Variants in TSHR observed in about 807,000 individuals in gnomAD.
The protein encoded by TSHR is thyroid stimulating hormone receptor.
In TSHR, 51 loss-of-function variants were observed where a neutral mutation model predicts 64.1. The ratio of observed to expected loss-of-function variants is 0.80; its 90% confidence interval spans 0.64 to 1.01. The LOEUF is 1.01. Among genes scored for constraint, TSHR ranks in the 50% least tolerant of loss-of-function variants. The pLI, the probability that TSHR is intolerant of heterozygous loss-of-function variation, is 0.00. For missense variants in TSHR, 877 were observed against 942.8 expected (o/e 0.93, Z 0.91); for synonymous variants, 361 against 361.9 (o/e 1.00, Z 0.03).
chr14:81,053,450 AT>A (rs1566781947), intron 1 of TSHR: 1 of 152,232 alleles, frequency 6.6e-6, no homozygotes, highest in Non-Finnish European at 1.5e-5. Context: ...ACAAATAGAC[AT>A]TTTTAACTTA....
chr14:81,108,903 A>T, intron 8 of TSHR: 1 of 1,418,704 alleles, frequency 7.0e-7, no homozygotes, highest in African/African-American at 1.4e-5. Flanking sequence ...ACTTACAATC[A>T]TGGGGAAAGA....
intron 1 of TSHR, among the ~76,000 whole-genome samples, chr14:80,986,710 C>T (rs1324549109): frequency 2.6e-5 from 4 of 152,190 alleles, no homozygotes; most frequent in Admixed American, 2.6e-4. Flanking sequence ...TGGTCTCAAA[C>T]GCTTGACCTC....
intron 8 of TSHR, among the ~76,000 whole-genome samples, chr14:81,134,859 A>C (rs764689440): frequency 3.3e-5 from 5 of 152,210 alleles, no homozygotes; most frequent in Non-Finnish European, 4.4e-5. Context: ...GTCTTCCCCC[A>C]GTGCCCATTA....
chr14:81,057,067 GC>G (rs1265225684), intron 1 of TSHR, among the ~76,000 whole-genome samples: 1 of 152,100 alleles, frequency 6.6e-6, no homozygotes, highest in African/African-American at 2.4e-5. Flanking sequence ...TTCACAGTTT[GC>G]CACAGAGTAT....
chr14:81,056,921 C>A (rs1885849786), intron 1 of TSHR, among the ~76,000 whole-genome samples: 1 of 152,108 alleles, frequency 6.6e-6, no homozygotes, highest in African/African-American at 2.4e-5. Flanking sequence ...ACCCAAAATA[C>A]AAAACACAAG....
chr14:81,088,391 A>C lies in TSHR; in HGVS notation c.392+363A>C, dbSNP rs113170279. Among the ~76,000 whole-genome samples, 354 of 152,330 alleles carry C rather than the reference A, an allele frequency of 2.3e-3. 2 individuals are homozygous for C. Among genetic ancestry groups the C allele is most frequent in the African/African-American group, 7.7e-3 (322 of 41,562 alleles). Reference sequence around the variant, plus strand: ...AATATTATTAGAGTGGCTGTTACACAGGAAAAAAAACCCACAAAGAGTAAA... The same window carrying C: ...AATATTATTAGAGTGGCTGTTACACCGGAAAAAAAACCCACAAAGAGTAAA... On this transcript the variant is annotated intron_variant, in intron 4 of 9. Coordinates refer to ENST00000298171, the MANE Select transcript of TSHR (RefSeq NM_000369.5).
At chr14:81,087,347 T>G (rs1888359409) in intron 3 of TSHR, 1 of 155,068 alleles carries the variant, frequency 6.4e-6, no homozygotes, top group Admixed American at 6.3e-5. Context: ...GCATTCTTGA[T>G]CAGCATTTAT....
chr14:81,144,054 T>C lies in TSHR; in HGVS notation c.1996T>C (p.Phe666Leu). 3 of 1,614,202 alleles carry C rather than the reference T, an allele frequency of 1.9e-6. No individual in the cohort carries two copies. Among genetic ancestry groups the C allele is most frequent in the Non-Finnish European group, 2.5e-6 (3 of 1,180,052 alleles). Residue 666 changes from phenylalanine (F) to leucine (L), a missense_variant, in exon 10 of 10, where the codon TTC (phenylalanine) becomes CTC (leucine). Transcript: ENST00000298171. The stretch of plus-strand genomic sequence containing the variant: ...CAACTCCAAAATCTTGCTGGTACTC[T>C]TCTATCCACTTAACTCCTGTGCCAA... The part of the protein sequence containing the change: ...VSNSKILLVL[F>L]YPLNSCANPF...
intron 1 of TSHR, among the ~76,000 whole-genome samples, chr14:80,997,586 T>C (rs1889090797): frequency 6.6e-6 from 1 of 152,212 alleles, no homozygotes; most frequent in South Asian, 2.1e-4. Flanking sequence ...AAAATGATCA[T>C]TTAAACCCTG....
At chr14:81,039,668 T>A (rs1221754947) in intron 1 of TSHR, among the ~76,000 whole-genome samples, 11 of 151,950 alleles carry the variant, frequency 7.2e-5, no homozygotes. Context: ...AGCACTTCTA[T>A]GTGCCAATAA....
At chr14:81,109,082 T>G (rs536961132) in intron 8 of TSHR, 578 of 885,034 alleles carry the variant, frequency 6.5e-4, no homozygotes, top group Non-Finnish European at 8.2e-4. Context: ...CAGTTTAGAA[T>G]CTCATCATTG....
intron 1 of TSHR, among the ~76,000 whole-genome samples, chr14:81,030,014 G>A (rs527299370): frequency 5.9e-5 from 9 of 152,300 alleles, no homozygotes; most frequent in South Asian, 2.1e-4. Flanking sequence ...CTCTTTTGCC[G>A]TAACTACCAG....
At chr14:81,071,994 A>G (rs1347527370) in intron 3 of TSHR, among the ~76,000 whole-genome samples, 4 of 152,224 alleles carry the variant, frequency 2.6e-5, no homozygotes, top group African/African-American at 9.6e-5. Flanking sequence ...AGGAAACACA[A>G]TGACATGCTT....
intron 1 of TSHR, chr14:81,052,325 T>C (rs1885480088): frequency 6.6e-6 from 1 of 152,234 alleles, no homozygotes; most frequent in Non-Finnish European, 1.5e-5. Context: ...TTGTGTGTTC[T>C]TGGCACCTTT....
intron 1 of TSHR, among the ~76,000 whole-genome samples, chr14:80,984,354 G>A (rs559664206): frequency 1.1e-4 from 16 of 152,288 alleles, no homozygotes; most frequent in African/African-American, 3.4e-4. Flanking sequence ...GAAACATTTT[G>A]TGAGTGCCTA....
At chr14:81,121,671 G>T (rs2888050) in intron 8 of TSHR, among the ~76,000 whole-genome samples, 36,122 of 152,002 alleles carry the variant, frequency 0.24, 4,363 homozygotes, top group East Asian at 0.3. Flanking sequence ...GCTGGGCACG[G>T]TGTATCATGC....
chr14:80,977,857 A>G (rs1302729126), intron 1 of TSHR, among the ~76,000 whole-genome samples: 3 of 152,200 alleles, frequency 2.0e-5, no homozygotes, highest in Non-Finnish European at 4.4e-5. Context: ...TATAAACAAA[A>G]GTATAACTCT....
intron 1 of TSHR, among the ~76,000 whole-genome samples, chr14:81,003,832 T>C (rs1594940785): frequency 1.3e-5 from 2 of 152,282 alleles, no homozygotes; most frequent in East Asian, 3.9e-4. Context: ...ACTTCACCTA[T>C]TAGCTTAGGC....
At chr14:81,081,841 A>G (rs1887926309) in intron 3 of TSHR, among the ~76,000 whole-genome samples, 1 of 152,168 alleles carries the variant, frequency 6.6e-6, no homozygotes, top group Non-Finnish European at 1.5e-5. Context: ...TGCACCTAAT[A>G]GATGTCCAGT....
Sources: allele counts gnomAD v4.1 joint callset (sites outside exome capture counted in the v4.1 genomes callset), GRCh38; gene constraint gnomAD v4.1.1; transcripts MANE v1.5; gene names NCBI Gene and HGNC (gene_info 2026-07-23, HGNC 2026-07-21).